The following NTM variants were observed in gnomAD, a reference collection of about 807,000 sequenced individuals.
NTM encodes neurotrimin, also known as IgLON family member 2.
A neutral mutation model predicts 42.1 loss-of-function variants in NTM; 13 were observed. The observed-to-expected ratio is 0.31, with a 90% CI of 0.20 to 0.49. NTM has a LOEUF of 0.49. Ranked by LOEUF, NTM falls within the 20% of genes least tolerant of loss-of-function variation. NTM has a pLI of 0.99. For synonymous variants in NTM, 187 were observed against 179.2 expected (o/e 1.04, Z -0.35); for missense variants, 373 against 452.8 (o/e 0.82, Z 1.60).
At chr11:132,157,815 G>A (rs987683064) in intron 3 of NTM, among the ~76,000 whole-genome samples, 1 of 152,102 alleles carries the variant, frequency 6.6e-6, no homozygotes, top group African/African-American at 2.4e-5. Context: ...CTGGTAAATG[G>A]CAATTGCATT....
chr11:132,148,582 T>C (rs906248447), intron 3 of NTM, among the ~76,000 whole-genome samples: 1 of 152,178 alleles, frequency 6.6e-6, no homozygotes, highest in Admixed American at 6.5e-5. Flanking sequence ...GTGGAAGGAA[T>C]TGTGAAAAGT....
intron 2 of NTM, among the ~76,000 whole-genome samples, chr11:132,068,863 G>T (rs2056915327): frequency 6.6e-6 from 1 of 152,182 alleles, no homozygotes; most frequent in Non-Finnish European, 1.5e-5. Flanking sequence ...CCTCAGTTCT[G>T]CCTGTAGGGC....
chr11:131,999,879 T>C (rs1318922451), intron 2 of NTM, among the ~76,000 whole-genome samples: 1 of 152,214 alleles, frequency 6.6e-6, no homozygotes, highest in African/African-American at 2.4e-5. Context: ...GCTTTATACA[T>C]CTCTGGCTAT....
At chr11:131,521,687 A>G (rs1440568327) in intron 1 of NTM, among the ~76,000 whole-genome samples, 1 of 151,800 alleles carries the variant, frequency 6.6e-6, no homozygotes, top group Non-Finnish European at 1.5e-5. Flanking sequence ...TGACCCACAC[A>G]CCTCTCATTA....
chr11:131,848,423 C>T (rs967254332), intron 1 of NTM, among the ~76,000 whole-genome samples: 14 of 152,268 alleles, frequency 9.2e-5, no homozygotes, highest in South Asian at 2.1e-4. Context: ...ACATGAAAGT[C>T]GCCTTCCTGA....
chr11:131,544,565 A>G (rs2053677822), intron 1 of NTM, among the ~76,000 whole-genome samples: 1 of 151,936 alleles, frequency 6.6e-6, no homozygotes, highest in African/African-American at 2.4e-5. Flanking sequence ...ATTTTCTGTG[A>G]CCCTGAAGGC....
intron 1 of NTM, among the ~76,000 whole-genome samples, chr11:131,600,588 G>C (rs1359551310): frequency 6.6e-6 from 1 of 152,216 alleles, no homozygotes; most frequent in African/African-American, 2.4e-5. Context: ...CCATGCTATT[G>C]CTTTGCATTT....
At chr11:131,592,867 C>T (rs2059498987) in intron 1 of NTM, among the ~76,000 whole-genome samples, 1 of 152,188 alleles carries the variant, frequency 6.6e-6, no homozygotes, top group Admixed American at 6.5e-5. Context: ...AGCAGATGTG[C>T]AGCAGCCTGC....
rs2048035307 is a variant in NTM, at chr11:131,873,551, T to TATATATACCGTATATATATAC, written c.83-38006_83-38005insCCGTATATATATACATATATA. Among the ~76,000 whole-genome samples, 7 of 52,060 alleles carry TATATATACCGTATATATATAC rather than the reference T, an allele frequency of 1.3e-4. 1 individual carries two copies. Among genetic ancestry groups the TATATATACCGTATATATATAC allele is most frequent in the African/African-American group, 2.5e-4 (6 of 23,698 alleles). 34.2% of individuals were successfully genotyped at this position (52,060 alleles called of 152,430 possible). On this transcript the variant is annotated intron_variant, in intron 1 of 8. Transcript: ENST00000683400. ...GTGTGTGTGTGTGTATATATATACATATATATATACCGTATATATATACAT... is the reference window on the plus strand; with the variant it reads ...GTGTGTGTGTGTGTATATATATACATATATATACCGTATATATATACATATATATACCGTATATATATACAT...
chr11:131,968,960 T>C (rs1163659622), intron 2 of NTM, among the ~76,000 whole-genome samples: 2 of 152,220 alleles, frequency 1.3e-5, no homozygotes, highest in Non-Finnish European at 2.9e-5. Flanking sequence ...AAGGGGATGC[T>C]ACCTCTATAC....
chr11:132,334,992 G>A (rs2095860265), intron 8 of NTM, 54 bp from the exon 9 acceptor site: 1 of 1,590,746 alleles, frequency 6.3e-7, no homozygotes, highest in Non-Finnish European at 8.6e-7. Flanking sequence ...CAACCACCGG[G>A]CTTTCCTTCC....
In NTM at chr11:131,972,695, T is replaced by G. The variant is rs2063733621; in HGVS notation, c.167+61047T>G. Among the ~76,000 whole-genome samples the G allele has an allele frequency of 2.0e-5, 3 of 152,218 alleles. No individual in the cohort carries two copies. The South Asian group carries it at 6.2e-4, about 32-fold the overall frequency. On this transcript the variant is annotated intron_variant, in intron 2 of 8. Coordinates refer to ENST00000683400, the MANE Select transcript of NTM (RefSeq NM_001352005.2). ...CTGTGCTGATGGAACCCCCGCATAATGTGGCTCTCTTGGTTTCCATAAGGC... is the reference window on the plus strand; with the variant it reads ...CTGTGCTGATGGAACCCCCGCATAAGGTGGCTCTCTTGGTTTCCATAAGGC...
intron 1 of NTM, among the ~76,000 whole-genome samples, chr11:131,477,213 A>G (rs1166336466): frequency 6.6e-6 from 1 of 152,202 alleles, no homozygotes; most frequent in Non-Finnish European, 1.5e-5. Context: ...AGCAATTATA[A>G]GAATCCTAGT....
chr11:131,575,936 G>A (rs76250384), intron 1 of NTM, among the ~76,000 whole-genome samples: 1,965 of 152,276 alleles, frequency 0.013, 46 homozygotes, highest in African/African-American at 0.045. Context: ...AGTGCAATGC[G>A]TCTTCTAATA....
intron 1 of NTM, among the ~76,000 whole-genome samples, chr11:131,511,552 A>G (rs2048249590): frequency 6.6e-6 from 1 of 152,200 alleles, no homozygotes; most frequent in South Asian, 2.1e-4. Context: ...CATGTAAGCT[A>G]GACTTTGTGC....
At chr11:131,373,531 G>A (rs577655941) in intron 1 of NTM, among the ~76,000 whole-genome samples, 1 of 151,924 alleles carries the variant, frequency 6.6e-6, no homozygotes, top group Non-Finnish European at 1.5e-5. Context: ...TGACAGGAGG[G>A]GGGATTAGCT....
At chr11:131,952,424 T>C (rs942334669) in intron 2 of NTM, among the ~76,000 whole-genome samples, 14 of 152,366 alleles carry the variant, frequency 9.2e-5, no homozygotes, top group African/African-American at 3.1e-4. Context: ...TGCACGTATG[T>C]ATATATTTAT....
At chr11:132,084,718 C>CA (rs777686195) in intron 2 of NTM, among the ~76,000 whole-genome samples, 1 of 152,090 alleles carries the variant, frequency 6.6e-6, no homozygotes, top group African/African-American at 2.4e-5. Context: ...CTTAGCTTTC[C>CA]AAAAAATGTC....
rs549529126 is a variant in NTM, at chr11:131,739,205, A to G, written c.83-172359A>G. 3.3e-5 allele frequency among the ~76,000 whole-genome samples: 5 copies of G among 151,180 alleles called. No homozygotes were observed. The South Asian group carries it at 1.0e-3, about 32-fold the overall frequency. On this transcript the variant is annotated intron_variant, in intron 1 of 8. Coordinates refer to ENST00000683400, the MANE Select transcript of NTM (RefSeq NM_001352005.2). ...AAGTTTTCTTTTTTTTTTTTTAAAG[A>G]GTCCAGTGTTAATAGTGTTTTGACT...
Sources: allele counts gnomAD v4.1 joint callset (sites outside exome capture counted in the v4.1 genomes callset), GRCh38; gene constraint gnomAD v4.1.1; transcripts MANE v1.5; gene names NCBI Gene and HGNC (gene_info 2026-07-23, HGNC 2026-07-21).